UBN2: variants seen among roughly 807,000 people sequenced by gnomAD.
The protein encoded by UBN2 is ubinuclein-2.
In UBN2, 35 loss-of-function variants were observed where a neutral mutation model predicts 120.2. The observed-to-expected ratio is 0.29, with a 90% confidence interval of 0.22 to 0.39. UBN2 has a LOEUF of 0.39. UBN2 is among the 10% of genes least tolerant of loss of function. The pLI is 1.00. For missense variants in UBN2, 1,693 were observed against 1,663.2 expected, an observed-to-expected ratio of 1.02 and a Z score of -0.31; for synonymous variants, 661 against 648.7, an observed-to-expected ratio of 1.02 and a Z score of -0.29.
intron 2 of UBN2, among the ~76,000 whole-genome samples, chr7:139,244,381 T>C (rs1312788243): frequency 2.6e-5 from 4 of 152,074 alleles, no homozygotes; most frequent in African/African-American, 9.7e-5. Flanking sequence ...AAAATTTTTT[T>C]AAGAGCCTAG....
Position 139,276,165 on chromosome 7 carries a change from C to G in UBN2, c.2024+18C>G. The G allele has an allele frequency of 1.9e-6, 3 of 1,609,940 alleles. No homozygotes were observed. The highest frequency in any genetic ancestry group is 8.5e-7 in the Non-Finnish European group (1 of 1,176,812). On this transcript the variant is annotated intron_variant, in intron 12 of 17. Transcript: ENST00000473989. ...TCTGCTCCGTGAGTAAATGCAGACT[C>G]CAGATTGCTTCATTTATTCACATTA...
intron 6 of UBN2, among the ~76,000 whole-genome samples, chr7:139,266,056 G>A (rs1797087600): frequency 6.6e-6 from 1 of 150,938 alleles, no homozygotes; most frequent in African/African-American, 2.4e-5. Flanking sequence ...ACTGTTAGGA[G>A]ATTCTTTTTT....
intron 15 of UBN2, among the ~76,000 whole-genome samples, chr7:139,290,479 T>G (rs544089199): frequency 3.3e-5 from 5 of 152,308 alleles, no homozygotes; most frequent in African/African-American, 9.6e-5. Context: ...TTGACTATAA[T>G]GTTATCATTT....
rs188535363 is a variant in UBN2, at chr7:139,273,245, A to G, written c.1716-52A>G. The G allele has an allele frequency of 8.3e-6, 10 of 1,199,872 alleles. No homozygotes were observed. The Admixed American group carries it at 1.0e-4, about 12-fold the overall frequency. 74.3% of individuals were successfully genotyped at this position (1,199,872 alleles called of 1,614,324 possible). ...AGCAAGTATTTATGGAGCATATTATATAGGCAGTGTTGGGTTAAAAGTTTG... is the reference window on the plus strand; with the variant it reads ...AGCAAGTATTTATGGAGCATATTATGTAGGCAGTGTTGGGTTAAAAGTTTG... On this transcript the variant is annotated intron_variant, in intron 9 of 17. Transcript: ENST00000473989.
chr7:139,271,628 T>C lies in UBN2; in HGVS notation c.1597-694T>C, dbSNP rs1380636893. 2.6e-5 allele frequency among the ~76,000 whole-genome samples: 4 copies of C among 152,088 alleles called. No homozygotes were observed. The East Asian group carries it at 7.7e-4, about 29-fold the overall frequency. ...GTTTCAGTAAAGAAAAGTCTTATAATATTTCTGCACCTATGATGGTGATAA... is the reference window on the plus strand; with the variant it reads ...GTTTCAGTAAAGAAAAGTCTTATAACATTTCTGCACCTATGATGGTGATAA... On this transcript the variant is annotated intron_variant, in intron 8 of 17. Coordinates refer to ENST00000473989, the MANE Select transcript of UBN2 (RefSeq NM_173569.4).
chr7:139,288,951 G>A lies in UBN2; in HGVS notation c.3670-4281G>A, dbSNP rs1031514787. Among the ~76,000 whole-genome samples, 23 of 147,612 alleles carry A rather than the reference G, an allele frequency of 1.6e-4. No homozygotes were observed. The East Asian group carries it at 2.0e-3, about 13-fold the overall frequency. ...CTGGAGTTGGAGGTTGCAGTGAGCCGAGATTGCACCACTGCAGTCCAGCCT... is the reference window on the plus strand; with the variant it reads ...CTGGAGTTGGAGGTTGCAGTGAGCCAAGATTGCACCACTGCAGTCCAGCCT... On this transcript the variant is annotated intron_variant, in intron 15 of 17. Transcript: ENST00000473989.
Position 139,261,457 on chromosome 7 carries a change from G to A in UBN2, c.1111G>A (p.Asp371Asn). Residue 371 changes from aspartate (D) to asparagine (N), a missense_variant, in exon 6 of 18, where the codon GAC (aspartate) becomes AAC (asparagine). Around this residue, in one of 5 missense-constraint regions of UBN2, gnomAD observed 663 missense variants for 591.2 expected, o/e 1.12. Transcript: ENST00000473989. Reference sequence around the variant, plus strand: ...TGCAGCACTGGGGAATGACGTCCCGGACTTAAATCTGAGCAGCGGTGATCC... The same window carrying A: ...TGCAGCACTGGGGAATGACGTCCCGAACTTAAATCTGAGCAGCGGTGATCC... ...AAAALGNDVP[D>N]LNLSSGDPDL... The A allele has an allele frequency of 6.2e-7, 1 of 1,614,210 alleles. No individual in the cohort carries two copies. The highest frequency in any genetic ancestry group is 8.5e-7 in the Non-Finnish European group (1 of 1,180,038).
intron 5 of UBN2, 91 bp from the exon 6 acceptor site, chr7:139,261,161 A>C: frequency 1.4e-6 from 2 of 1,428,252 alleles, no homozygotes; most frequent in Non-Finnish European, 1.9e-6. Context: ...CACCTGTCAA[A>C]TTATTATTTT....
chr7:139,310,322 A>AAAAG (rs35982186), downstream of UBN2, among the ~76,000 whole-genome samples: 29 of 150,992 alleles, frequency 1.9e-4, no homozygotes, highest in African/African-American at 6.8e-4. Context: ...AAAAAAAAAA[A>AAAAG]GTTATATTTG....
In UBN2 at chr7:139,283,542, A is replaced by T; in HGVS notation, c.2637A>T (p.Gln879His). ...LEPLPARLLQ[Q>H]GLQRSSQIHT... Reference sequence around the variant, plus strand: ...CTTTGCCAGCCAGGCTACTTCAACAAGGACTTCAGAGGTCAAGCCAGATTC... The same window carrying T: ...CTTTGCCAGCCAGGCTACTTCAACATGGACTTCAGAGGTCAAGCCAGATTC... The change falls in exon 15 of 18, where the codon CAA becomes CAT. Residue 879 changes from glutamine to histidine, a missense_variant. Gln to His is a conservative substitution (Grantham distance 24). Transcript: ENST00000473989. 2 of 1,614,174 alleles carry T rather than the reference A, an allele frequency of 1.2e-6. No individual in the cohort carries two copies. The highest frequency in any genetic ancestry group is 1.7e-6 in the Non-Finnish European group (2 of 1,180,030).
intron 1 of UBN2, among the ~76,000 whole-genome samples, chr7:139,235,837 G>A (rs1796150173): frequency 6.6e-6 from 1 of 152,092 alleles, no homozygotes; most frequent in Non-Finnish European, 1.5e-5. Flanking sequence ...CAAGTGTGAG[G>A]AATTGTCTCG....
In UBN2 at chr7:139,231,385, A is replaced by C; in HGVS notation, c.-100A>C. Reference sequence around the variant, plus strand: ...GAGACGGCTGAGGGTGGTGGAGGGAAGAAAAGCGACAGAGAGCAAGAGGAA... The same window carrying C: ...GAGACGGCTGAGGGTGGTGGAGGGACGAAAAGCGACAGAGAGCAAGAGGAA... On this transcript the variant is annotated 5_prime_UTR_variant, in exon 1 of 18. Coordinates refer to ENST00000473989, the MANE Select transcript of UBN2 (RefSeq NM_173569.4). The C allele has an allele frequency of 9.8e-7, 1 of 1,024,858 alleles. No homozygotes were observed. The highest frequency in any genetic ancestry group is 1.3e-6 in the Non-Finnish European group (1 of 795,142). The allele number at this position is 1,024,858 out of a possible 1,614,324, so 63.5% of individuals were successfully genotyped here. A position where few individuals can be genotyped will look rare whatever the true frequency, so the allele number is the denominator to read the frequency against.
chr7:139,317,755 C>T, the UBN2 span, among the ~76,000 whole-genome samples: 15 of 152,124 alleles, frequency 9.9e-5, no homozygotes, highest in East Asian at 2.1e-3. Flanking sequence ...CTCCACCTCC[C>T]GGGTTCAAGC....
Position 139,257,997 on chromosome 7 carries a change from C to A in UBN2, c.664-491C>A, listed in dbSNP as rs138880812. Among the ~76,000 whole-genome samples the A allele has an allele frequency of 1.1e-3, 168 of 152,320 alleles. 1 individual carries two copies. Among genetic ancestry groups the A allele is most frequent in the African/African-American group, 3.7e-3 (155 of 41,562 alleles). Reference sequence around the variant, plus strand: ...CCATGTTGGCCAGGCTGGTCTCGAACTCCTGACCCCAGGTGATCCACCCGC... The same window carrying A: ...CCATGTTGGCCAGGCTGGTCTCGAAATCCTGACCCCAGGTGATCCACCCGC... On this transcript the variant is annotated intron_variant, in intron 3 of 17. Transcript: ENST00000473989.
At position 139,298,383 on chromosome 7, in the gene UBN2, C is replaced by T. The variant is rs566377774; in HGVS notation, c.*547C>T. 1 of 152,604 alleles carries T rather than the reference C, an allele frequency of 6.6e-6. No individual in the cohort carries two copies. The highest frequency in any genetic ancestry group is 1.5e-5 in the Non-Finnish European group (1 of 68,316). 9.5% of individuals were successfully genotyped at this position (152,604 alleles called of 1,614,324 possible). A position where few individuals can be genotyped will look rare whatever the true frequency, so the allele number is the denominator to read the frequency against. The stretch of plus-strand genomic sequence containing the variant: ...AGCTGCATAGCACACCCTCGAAAAT[C>T]CTGAACAAACTTGAATCTCCTCCAG... On this transcript the variant is annotated 3_prime_UTR_variant, in exon 18 of 18. Transcript: ENST00000473989.
chr7:139,236,031 T>G (rs1364184941), intron 1 of UBN2, among the ~76,000 whole-genome samples: 2 of 152,238 alleles, frequency 1.3e-5, no homozygotes, highest in African/African-American at 2.4e-5. Flanking sequence ...CTTTTTAAAT[T>G]ACCTGAGTCA....
intron 7 of UBN2, among the ~76,000 whole-genome samples, chr7:139,266,899 AGAG>A: frequency 6.6e-6 from 1 of 152,332 alleles, no homozygotes; most frequent in East Asian, 1.9e-4. Context: ...GAGATAATGT[AGAG>A]GAGATAGCAG....
intron 12 of UBN2, chr7:139,277,696 A>C (rs1008303976): frequency 2.6e-5 from 4 of 152,120 alleles, no homozygotes; most frequent in Admixed American, 1.3e-4. Flanking sequence ...CTTTGAAATA[A>C]ATTTTATGTA....
In UBN2 at chr7:139,283,842, G is replaced by A. The variant is rs61751926; in HGVS notation, c.2937G>A (p.Met979Ile). 1,116 of 1,614,020 alleles carry A rather than the reference G, an allele frequency of 6.9e-4. 4 individuals are homozygous for A. Among genetic ancestry groups the A allele is most frequent in the South Asian group, 2.2e-3 (199 of 91,084 alleles). The change falls in exon 15 of 18, where the codon ATG becomes ATA. Residue 979 changes from methionine (M) to isoleucine (I), a missense_variant. Transcript: ENST00000473989. ...TTAAGACTTCAGATAAGCCACTTAT[G>A]TACCGCCTTCCCTTATCTACCCCCT... Reference protein sequence around the residue: ...SLIKTSDKPLMYRLPLSTPSP... With the variant: ...SLIKTSDKPLIYRLPLSTPSP...
Sources: allele counts gnomAD v4.1 joint callset (sites outside exome capture counted in the v4.1 genomes callset), GRCh38; gene constraint gnomAD v4.1.1; regional missense constraint gnomAD v4.1.1; transcripts MANE v1.5; gene names NCBI Gene and HGNC (gene_info 2026-07-23, HGNC 2026-07-21).